Variants in GABRG1 observed in about 807,000 individuals in gnomAD.
The protein encoded by GABRG1 is gamma-aminobutyric acid type A receptor subunit gamma1, also known as gamma-aminobutyric acid receptor subunit gamma-1.
Under a neutral mutation model 49.8 loss-of-function variants are expected in GABRG1, and 49 were observed. The ratio of observed to expected loss-of-function variants is 0.98; its 90% CI spans 0.78 to 1.25. The LOEUF is 1.25. Ranked by LOEUF, GABRG1 falls within the 50% of genes most tolerant of loss-of-function variation. The pLI is 0.00. For synonymous variants in GABRG1, 232 were observed against 185.1 expected, an observed-to-expected ratio of 1.25 and a Z score of -2.06; for missense variants, 552 against 552.3, an observed-to-expected ratio of 1.00 and a Z score of 0.01.
rs532174237 is a variant in GABRG1 at position 46,035,836 on chromosome 4, A to C, written c.*5152T>G. The C allele has an allele frequency of 6.6e-6, 1 of 152,124 alleles. No homozygotes were observed. Among genetic ancestry groups the C allele is most frequent in the South Asian group, 2.1e-4 (1 of 4,826 alleles). The allele number at this position is 152,124 out of a possible 1,614,324, so 9.4% of individuals were successfully genotyped here. On this transcript the variant is annotated 3_prime_UTR_variant, in exon 9 of 9. Coordinates refer to ENST00000295452, the MANE Select transcript of GABRG1 (RefSeq NM_173536.4). ...TTTTTTTTGTTCTAAGGATCATGAGAGTAAAGAACACTGAAAAATTGAGAC... is the reference window on the plus strand; with the variant it reads ...TTTTTTTTGTTCTAAGGATCATGAGCGTAAAGAACACTGAAAAATTGAGAC...
chr4:46,085,419 A>T (rs1159127346), intron 2 of GABRG1, among the ~76,000 whole-genome samples: 2 of 151,614 alleles, frequency 1.3e-5, no homozygotes, highest in Non-Finnish European at 3.0e-5. Context: ...GAATGAGACA[A>T]AAGAATAATC....
At position 46,038,191 on chromosome 4, in the gene GABRG1, T is replaced by C. The variant is rs1213705657; in HGVS notation, c.*2797A>G. 1 of 151,868 alleles carries C rather than the reference T, an allele frequency of 6.6e-6. No homozygotes were observed. The highest frequency in any genetic ancestry group is 3.4e-3 in the Middle Eastern group (1 of 294). The allele number at this position is 151,868 out of a possible 1,614,324, so 9.4% of individuals were successfully genotyped here. ...CCTGTCCCTGCTAAATTCTCAAGTA[T>C]TCTATGTATTTTTTACTTTTTTTTA... On this transcript the variant is annotated 3_prime_UTR_variant, in exon 9 of 9. Transcript: ENST00000295452.
intron 1 of GABRG1, among the ~76,000 whole-genome samples, chr4:46,100,579 T>C (rs1304236183): frequency 4.0e-5 from 6 of 151,512 alleles, no homozygotes; most frequent in African/African-American, 1.5e-4. Context: ...AACTTAAATT[T>C]TAGGTTTTCA....
Position 46,080,960 on chromosome 4 carries a change from T to C in GABRG1, c.321+3026A>G, listed in dbSNP as rs1023704639. On this transcript the variant is annotated intron_variant, in intron 3 of 8. Coordinates refer to ENST00000295452, the MANE Select transcript of GABRG1 (RefSeq NM_173536.4). ...GTTAAAAATGCACCTATTACACGTG[T>C]ATATTAAAAGTTTTCTGTTTGCAAA... Among the ~76,000 whole-genome samples the C allele has an allele frequency of 1.3e-4, 20 of 151,940 alleles. No individual in the cohort carries two copies. In the East Asian group the frequency reaches 3.7e-3, roughly 28 times the overall value.
In GABRG1 at chr4:46,105,636, T is replaced by A. The variant is rs185268735; in HGVS notation, c.105-8287A>T. On this transcript the variant is annotated intron_variant, in intron 1 of 8. Transcript: ENST00000295452. The stretch of plus-strand genomic sequence containing the variant: ...ATAACATGATTCACCTGTAACTGTA[T>A]TTATACCACCATAATTAATTTGAAT... Among the ~76,000 whole-genome samples the A allele has an allele frequency of 2.2e-4, 34 of 151,586 alleles. 2 individuals are homozygous for A. The highest frequency in any genetic ancestry group is 6.8e-4 in the African/African-American group (28 of 41,464).
intron 3 of GABRG1, among the ~76,000 whole-genome samples, chr4:46,072,509 A>G (rs1449731645): frequency 1.3e-5 from 2 of 152,084 alleles, no homozygotes; most frequent in Non-Finnish European, 2.9e-5. Context: ...AAGAAGGAAC[A>G]TATTCCTCCA....
At chr4:46,053,215 T>C (rs1009585261) in intron 7 of GABRG1, among the ~76,000 whole-genome samples, 6 of 151,898 alleles carry the variant, frequency 4.0e-5, no homozygotes, top group Non-Finnish European at 8.8e-5. Context: ...TACTTCCTTT[T>C]TTGTTAGAAA....
intron 8 of GABRG1, among the ~76,000 whole-genome samples, chr4:46,043,890 T>C (rs925729302): frequency 2.0e-5 from 3 of 151,836 alleles, no homozygotes; most frequent in African/African-American, 4.8e-5. Context: ...TATACTAATA[T>C]CAAATAAATG....
At chr4:46,090,933 T>TACAC (rs34374380) in intron 2 of GABRG1, among the ~76,000 whole-genome samples, 7 of 139,268 alleles carry the variant, frequency 5.0e-5, no homozygotes, top group Admixed American at 2.9e-4. Context: ...TTCCCTGGAA[T>TACAC]ACACACACAC....
At chr4:46,056,431 T>C (rs1027530240) in intron 7 of GABRG1, among the ~76,000 whole-genome samples, 16 of 152,006 alleles carry the variant, frequency 1.1e-4, no homozygotes, top group African/African-American at 2.7e-4. Flanking sequence ...CCACACTTCA[T>C]TGGGTCACTG....
chr4:46,050,722 G>A (rs1443797092), intron 8 of GABRG1, among the ~76,000 whole-genome samples: 1 of 151,722 alleles, frequency 6.6e-6, no homozygotes, highest in East Asian at 1.9e-4. Context: ...GCTTACTGAG[G>A]CTGTTCTTGT....
chr4:46,041,494 C>T (rs1717782415), intron 8 of GABRG1, among the ~76,000 whole-genome samples: 1 of 151,802 alleles, frequency 6.6e-6, no homozygotes, highest in African/African-American at 2.4e-5. Context: ...TATTTTTATA[C>T]ATTTAGAAAG....
intron 3 of GABRG1, among the ~76,000 whole-genome samples, chr4:46,071,743 A>G (rs1322441302): frequency 6.6e-6 from 1 of 152,018 alleles, no homozygotes; most frequent in Non-Finnish European, 1.5e-5. Context: ...AAAAATTGAA[A>G]AAAGCAAAAG....
chr4:46,056,644 C>T (rs550643119), intron 7 of GABRG1, among the ~76,000 whole-genome samples: 5 of 152,104 alleles, frequency 3.3e-5, no homozygotes, highest in South Asian at 2.1e-4. Context: ...ACCATAAACA[C>T]GAAGTTTTAA....
intron 1 of GABRG1, among the ~76,000 whole-genome samples, chr4:46,116,300 T>C (rs1295446036): frequency 6.6e-6 from 1 of 150,846 alleles, no homozygotes; most frequent in African/African-American, 2.4e-5. Context: ...AAATGAACAC[T>C]GAATAGACAA....
At chr4:46,053,254 A>G (rs1323416886) in intron 7 of GABRG1, among the ~76,000 whole-genome samples, 7 of 151,268 alleles carry the variant, frequency 4.6e-5, no homozygotes, top group Non-Finnish European at 1.0e-4. Context: ...AGTGTTTTGT[A>G]TTTTAGTAAT....
intron 3 of GABRG1, among the ~76,000 whole-genome samples, chr4:46,078,980 A>G (rs144694845): frequency 5.9e-5 from 9 of 152,070 alleles, no homozygotes; most frequent in African/African-American, 2.2e-4. Flanking sequence ...AGGAAAAACA[A>G]TATTATTGAG....
At chr4:46,050,789 T>A (rs906634785) in intron 8 of GABRG1, among the ~76,000 whole-genome samples, 1 of 151,854 alleles carries the variant, frequency 6.6e-6, no homozygotes, top group Admixed American at 6.6e-5. Flanking sequence ...AAATCATGCA[T>A]GTAAAATGCT....
intron 1 of GABRG1, among the ~76,000 whole-genome samples, chr4:46,108,437 T>C (rs751278255): frequency 2.6e-5 from 4 of 151,162 alleles, no homozygotes; most frequent in Non-Finnish European, 5.9e-5. Context: ...ATCAGTCAAG[T>C]AGGAGCAAAA....
Sources: allele counts gnomAD v4.1 joint callset (sites outside exome capture counted in the v4.1 genomes callset), GRCh38; gene constraint gnomAD v4.1.1; transcripts MANE v1.5; gene names NCBI Gene and HGNC (gene_info 2026-07-23, HGNC 2026-07-21).